The following GPC6 variants were observed in gnomAD, a reference collection of about 807,000 sequenced individuals.
GPC6 encodes glypican 6, also known as glypican-6.
Under a neutral mutation model 55.2 loss-of-function variants are expected in GPC6, and 14 were observed. The ratio of observed to expected loss-of-function variants is 0.25; its 90% CI spans 0.17 to 0.40. GPC6 has a LOEUF of 0.40. GPC6 is among the 10% of genes least tolerant of loss of function. The pLI is 1.00. For missense variants in GPC6, 641 were observed against 708.5 expected (o/e 0.90, Z 1.08); for synonymous variants, 278 against 259.6 (o/e 1.07, Z -0.68).
At chr13:94,212,005 C>T (rs865821895) in intron 4 of GPC6, among the ~76,000 whole-genome samples, 3 of 152,322 alleles carry the variant, frequency 2.0e-5, no homozygotes, top group Middle Eastern at 6.8e-3. Context: ...CTCCTACACA[C>T]ATCTCGTTGT....
intron 2 of GPC6, among the ~76,000 whole-genome samples, chr13:93,828,721 T>C (rs940370553): frequency 1.3e-5 from 2 of 152,142 alleles, no homozygotes; most frequent in African/African-American, 4.8e-5. Context: ...TAAAAATATA[T>C]ATATATTTCA....
At chr13:94,362,540 G>C (rs1279471964) in intron 6 of GPC6, among the ~76,000 whole-genome samples, 1 of 152,086 alleles carries the variant, frequency 6.6e-6, no homozygotes, top group Non-Finnish European at 1.5e-5. Context: ...GATAAGACTG[G>C]TAAGGGGGTG....
intron 4 of GPC6, among the ~76,000 whole-genome samples, chr13:94,160,668 C>CT (rs1594004122): frequency 6.6e-6 from 1 of 152,228 alleles, no homozygotes; most frequent in East Asian, 1.9e-4. Flanking sequence ...CATGCATAAC[C>CT]TTTTTTTGGT....
chr13:93,854,296 G>A (rs993357818), intron 3 of GPC6, among the ~76,000 whole-genome samples: 6 of 151,532 alleles, frequency 4.0e-5, no homozygotes, highest in Non-Finnish European at 7.4e-5. Context: ...CTCTGAATCC[G>A]TATTTATTGA....
chr13:93,844,745 CT>C (rs1283535471), intron 3 of GPC6, among the ~76,000 whole-genome samples: 1 of 145,106 alleles, frequency 6.9e-6, no homozygotes, highest in African/African-American at 2.6e-5. Context: ...ATGGTAATGC[CT>C]AGGTTTTCTT....
At chr13:93,295,400 G>GATGGAAGT (rs1878459425) in intron 1 of GPC6, among the ~76,000 whole-genome samples, 2 of 151,782 alleles carry the variant, frequency 1.3e-5, no homozygotes, top group Admixed American at 1.3e-4. Context: ...AGTTCTGGAG[G>GATGGAAGT]CTGGAAGTCT....
At position 93,523,112 on chromosome 13, in the gene GPC6, T is replaced by C. The variant is rs146788267; in HGVS notation, c.161-22151T>C. ...TGGTGTATGACATTTTACACACACGTGTGTATATATGTACCCATATATACA... is the reference window on the plus strand; with the variant it reads ...TGGTGTATGACATTTTACACACACGCGTGTATATATGTACCCATATATACA... On this transcript the variant is annotated intron_variant, in intron 1 of 8. Coordinates refer to ENST00000377047, the MANE Select transcript of GPC6 (RefSeq NM_005708.5). Among the ~76,000 whole-genome samples, 845 of 150,718 alleles carry C rather than the reference T, an allele frequency of 5.6e-3. 5 individuals carry two copies. Among genetic ancestry groups the C allele is most frequent in the African/African-American group, 0.019 (782 of 41,234 alleles).
intron 2 of GPC6, among the ~76,000 whole-genome samples, chr13:93,559,713 A>C (rs1006824695): frequency 6.6e-6 from 1 of 152,224 alleles, no homozygotes; most frequent in African/African-American, 2.4e-5. Context: ...AGCAACCTTA[A>C]ATCCTCATAG....
chr13:93,960,421 A>G (rs1190201097), intron 3 of GPC6, among the ~76,000 whole-genome samples: 1 of 152,154 alleles, frequency 6.6e-6, no homozygotes, highest in Non-Finnish European at 1.5e-5. Context: ...AATTCCTTCA[A>G]ATACACCACA....
At chr13:93,725,737 C>G (rs544835386) in intron 2 of GPC6, among the ~76,000 whole-genome samples, 9 of 151,868 alleles carry the variant, frequency 5.9e-5, no homozygotes, top group Middle Eastern at 6.8e-3. Context: ...CATCTATATC[C>G]AATAGATGAT....
chr13:93,597,312 C>T (rs868856509), intron 2 of GPC6, among the ~76,000 whole-genome samples: 1 of 152,130 alleles, frequency 6.6e-6, no homozygotes, highest in Non-Finnish European at 1.5e-5. Flanking sequence ...TCAGAGCAGA[C>T]CCTAGTGAAT....
chr13:93,363,096 T>C (rs1490740316), intron 1 of GPC6, among the ~76,000 whole-genome samples: 1 of 150,106 alleles, frequency 6.7e-6, no homozygotes, highest in East Asian at 2.1e-4. Flanking sequence ...TTGTGTCTTT[T>C]TTTTTCTTTC....
chr13:93,715,514 G>A (rs1883221280), intron 2 of GPC6, among the ~76,000 whole-genome samples: 1 of 151,464 alleles, frequency 6.6e-6, no homozygotes, highest in African/African-American at 2.4e-5. Flanking sequence ...TAATGACTGA[G>A]CACTATTCTC....
chr13:93,218,625 A>C, the GPC6 span, among the ~76,000 whole-genome samples: 1 of 152,252 alleles, frequency 6.6e-6, no homozygotes, highest in Admixed American at 6.5e-5. Flanking sequence ...AATCTAAACT[A>C]AAACAAAATC....
rs559635010 is a variant in GPC6, at chr13:94,331,924, C to G, written c.1152+25801C>G. 5.9e-5 allele frequency among the ~76,000 whole-genome samples: 9 copies of G among 152,230 alleles called. No homozygotes were observed. In the East Asian group the frequency reaches 1.7e-3, roughly 29 times the overall value. ...TCGTCAACTAAAAACATGTGCTCTTCTCTCTCTTTTTTTCTTCTCGTCAAT... is the reference window on the plus strand; with the variant it reads ...TCGTCAACTAAAAACATGTGCTCTTGTCTCTCTTTTTTTCTTCTCGTCAAT... On this transcript the variant is annotated intron_variant, in intron 6 of 8. Transcript: ENST00000377047.
intron 1 of GPC6, among the ~76,000 whole-genome samples, chr13:93,282,559 T>G (rs1358014862): frequency 6.6e-6 from 1 of 152,040 alleles, no homozygotes; most frequent in East Asian, 1.9e-4. Flanking sequence ...TTTTCTCCAC[T>G]TACTCTCCTT....
At chr13:93,623,038 A>G (rs879103011) in intron 2 of GPC6, among the ~76,000 whole-genome samples, 2 of 152,064 alleles carry the variant, frequency 1.3e-5, no homozygotes, top group Non-Finnish European at 2.9e-5. Context: ...GGCTTATTTG[A>G]TTTAACATAT....
intron 4 of GPC6, among the ~76,000 whole-genome samples, chr13:94,275,099 A>G (rs1035783635): frequency 1.2e-4 from 18 of 152,352 alleles, no homozygotes; most frequent in African/African-American, 3.6e-4. Flanking sequence ...AATTATTCCA[A>G]TGATTCTTTT....
At chr13:93,451,726 G>A (rs1479556565) in intron 1 of GPC6, among the ~76,000 whole-genome samples, 1 of 152,170 alleles carries the variant, frequency 6.6e-6, no homozygotes, top group African/African-American at 2.4e-5. Flanking sequence ...ATTTGATGAT[G>A]CTAAATTTAA....
Sources: allele counts gnomAD v4.1 joint callset (sites outside exome capture counted in the v4.1 genomes callset), GRCh38; gene constraint gnomAD v4.1.1; transcripts MANE v1.5; gene names NCBI Gene and HGNC (gene_info 2026-07-23, HGNC 2026-07-21).